Variants in PCDHGB5 observed in about 807,000 individuals in gnomAD.
PCDHGB5 encodes protocadherin gamma-B5.
A neutral mutation model predicts 62.9 loss-of-function variants in PCDHGB5; 48 were observed. The ratio of observed to expected loss-of-function variants is 0.76; its 90% CI spans 0.61 to 0.97. The LOEUF (loss-of-function observed/expected upper bound fraction) is 0.97, where lower values mean the gene tolerates loss of function less well. PCDHGB5 is among the 50% of genes least tolerant of loss of function. The probability of loss-of-function intolerance (pLI) is 0.00; values close to 1 mark genes in which losing one functional copy is unlikely to be tolerated. For synonymous variants in PCDHGB5, 474 were observed against 511.2 expected (o/e 0.93, Z 0.98); for missense variants, 1,118 against 1,198.6 (o/e 0.93, Z 0.99).
intron 1 of PCDHGB5, chr5:141,409,185 C>G (rs765063807): frequency 6.2e-7 from 1 of 1,614,024 alleles, no homozygotes; most frequent in South Asian, 1.1e-5. Flanking sequence ...GGTGGTCTCT[C>G]TACCCAGTGT....
intron 1 of PCDHGB5, chr5:141,427,870 C>A (rs773176633): frequency 3.2e-6 from 5 of 1,558,750 alleles, no homozygotes; most frequent in Non-Finnish European, 4.4e-6. Context: ...TTCGAGCTCA[C>A]GATGCAGGCC....
At chr5:141,427,678 C>T in intron 1 of PCDHGB5, 1 of 822,634 alleles carries the variant, frequency 1.2e-6, no homozygotes, top group Non-Finnish European at 2.0e-6. Flanking sequence ...AACAACCTTC[C>T]CGGAGCCTCC....
chr5:141,492,723 C>T (rs896613323), intron 1 of PCDHGB5, among the ~76,000 whole-genome samples: 2 of 152,268 alleles, frequency 1.3e-5, no homozygotes, highest in African/African-American at 4.8e-5. Flanking sequence ...GGCGGACAGG[C>T]AGAGCTGCCC....
Position 141,486,335 on chromosome 5 carries a change from C to T in PCDHGB5, c.2398-8472C>T, listed in dbSNP as rs762408704. ...AGGGTCAAACGGAGATGTGAGCCTC[C>T]GCATTCCTGACCACTTGCCATTTGC... On this transcript the variant is annotated intron_variant, in intron 1 of 3. Transcript: ENST00000617380. The surrounding 1 kb of genome is among the most constrained non-coding windows in gnomAD (Gnocchi z 5.0). 6.2e-6 allele frequency: 10 copies of T among 1,613,936 alleles called. No individual in the cohort carries two copies. Among genetic ancestry groups the T allele is most frequent in the Middle Eastern group, 1.6e-4 (1 of 6,082 alleles).
rs1000935525 is a variant in PCDHGB5 at position 141,512,962 on chromosome 5, G to A, written c.*1789G>A. The A allele has an allele frequency of 1.3e-5, 2 of 152,030 alleles. No individual in the cohort carries two copies. The highest frequency in any genetic ancestry group is 4.8e-5 in the African/African-American group (2 of 41,366). The allele number at this position is 152,030 out of a possible 1,614,324, so 9.4% of individuals were successfully genotyped here. ...TTCTTCGACAAAAAAATAATAAAACGTTTCTTCTGAAAAGCTGAACGTTTC... is the reference window on the plus strand; with the variant it reads ...TTCTTCGACAAAAAAATAATAAAACATTTCTTCTGAAAAGCTGAACGTTTC... On this transcript the variant is annotated 3_prime_UTR_variant, in exon 4 of 4. Transcript: ENST00000617380.
intron 1 of PCDHGB5, among the ~76,000 whole-genome samples, chr5:141,463,541 C>T (rs1423301726): frequency 2.7e-5 from 4 of 150,402 alleles, no homozygotes; most frequent in East Asian, 2.0e-4. Flanking sequence ...CTCCGGCTCC[C>T]GGGTTCATGC....
chr5:141,450,838 T>A (rs2098698352), intron 1 of PCDHGB5, among the ~76,000 whole-genome samples: 1 of 149,278 alleles, frequency 6.7e-6, no homozygotes, highest in African/African-American at 2.5e-5. Flanking sequence ...TATTTTTTTT[T>A]TTTTGAGATG....
At position 141,431,052 on chromosome 5, in the gene PCDHGB5, G is replaced by T. The variant is rs148326556; in HGVS notation, c.2397+30528G>T. 7.4e-6 allele frequency: 12 copies of T among 1,614,110 alleles called. No homozygotes were observed. The African/African-American group carries it at 1.6e-4, about 22-fold the overall frequency. On this transcript the variant is annotated intron_variant, in intron 1 of 3. Coordinates refer to ENST00000617380, the MANE Select transcript of PCDHGB5 (RefSeq NM_018925.3). The surrounding 1 kb of genome is among the most constrained non-coding windows in gnomAD (Gnocchi z 4.8). ...ATAGACCGGGAGGAGCTCTGTATGG[G>T]GGCCATCAAGTGTCAATTAAATCTA...
At chr5:141,422,568 C>A (rs372115955) in intron 1 of PCDHGB5, 5 of 1,613,904 alleles carry the variant, frequency 3.1e-6, no homozygotes, top group Admixed American at 3.3e-5. Context: ...CAGATGACAA[C>A]GATAACCCTC....
At chr5:141,441,779 C>T in intron 1 of PCDHGB5, 2 of 390,030 alleles carry the variant, frequency 5.1e-6, no homozygotes, top group South Asian at 2.0e-5. Context: ...TGGTGGACGA[C>T]CTGAATGACA....
chr5:141,409,203 T>TC, intron 1 of PCDHGB5: 1 of 1,613,964 alleles, frequency 6.2e-7, no homozygotes, highest in Non-Finnish European at 8.5e-7. Context: ...TGTAAAGTAA[T>TC]CATAGAAATC....
At chr5:141,436,042 T>A (rs1246680632) in intron 1 of PCDHGB5, among the ~76,000 whole-genome samples, 4 of 152,182 alleles carry the variant, frequency 2.6e-5, no homozygotes, top group Non-Finnish European at 5.9e-5. Context: ...TGTATTTACA[T>A]TAGTTTTCAA....
At chr5:141,510,277 A>C (rs1242709133) in intron 3 of PCDHGB5, among the ~76,000 whole-genome samples, 5 of 151,916 alleles carry the variant, frequency 3.3e-5, no homozygotes, top group Admixed American at 2.6e-4. Flanking sequence ...CATCTTAAAA[A>C]AAAAAAAAAA....
chr5:141,427,973 C>T (rs754410723), intron 1 of PCDHGB5: 3 of 1,594,054 alleles, frequency 1.9e-6, no homozygotes, highest in Non-Finnish European at 2.6e-6. Context: ...TGCTGTACCC[C>T]GCGCTGGGGC....
At chr5:141,448,990 T>C (rs1419678645) in intron 1 of PCDHGB5, among the ~76,000 whole-genome samples, 1 of 152,070 alleles carries the variant, frequency 6.6e-6, no homozygotes, top group Non-Finnish European at 1.5e-5. Flanking sequence ...TATTAATATA[T>C]AGAAAGCTGT....
Position 141,399,577 on chromosome 5 carries a change from T to C in PCDHGB5, c.1450T>C (p.Ser484Pro). The change falls in exon 1 of 4, where the codon TCC becomes CCC. Residue 484 changes from serine (S) to proline (P), a missense_variant. Around this residue, in one of 2 missense-constraint regions of PCDHGB5, gnomAD observed 1,034 missense variants for 1,029.1 expected, o/e 1.00. Transcript: ENST00000617380. ...DLDLGLNGQV[S>P]YSIMASDLEP... ...GGACTTGGGGTTGAACGGCCAAGTCTCCTACTCTATCATGGCCAGCGACCT... is the reference window on the plus strand; with the variant it reads ...GGACTTGGGGTTGAACGGCCAAGTCCCCTACTCTATCATGGCCAGCGACCT... The C allele has an allele frequency of 1.2e-6, 2 of 1,613,972 alleles. No homozygotes were observed. Among genetic ancestry groups the C allele is most frequent in the Non-Finnish European group, 1.7e-6 (2 of 1,179,884 alleles).
chr5:141,450,181 C>A (rs2098672863), intron 1 of PCDHGB5, among the ~76,000 whole-genome samples: 1 of 151,572 alleles, frequency 6.6e-6, no homozygotes, highest in African/African-American at 2.4e-5. Flanking sequence ...CCACACCCAG[C>A]TAATTTTTGT....
At chr5:141,452,908 A>G (rs747849272) in intron 1 of PCDHGB5, among the ~76,000 whole-genome samples, 5 of 152,222 alleles carry the variant, frequency 3.3e-5, no homozygotes, top group African/African-American at 4.8e-5. Flanking sequence ...AGTTGGCATT[A>G]TACAGTAAGA....
intron 1 of PCDHGB5, among the ~76,000 whole-genome samples, chr5:141,483,725 C>T (rs903001715): frequency 1.3e-5 from 2 of 152,008 alleles, no homozygotes; most frequent in Non-Finnish European, 1.5e-5. Context: ...TGGTTCCCAC[C>T]ATAGTCAAAA....
Sources: allele counts gnomAD v4.1 joint callset (sites outside exome capture counted in the v4.1 genomes callset), GRCh38; gene constraint gnomAD v4.1.1; regional missense constraint gnomAD v4.1.1; non-coding constraint Gnocchi (gnomAD v3.1); transcripts MANE v1.5; gene names NCBI Gene and HGNC (gene_info 2026-07-23, HGNC 2026-07-21).